SETBP1: variants seen among roughly 807,000 people sequenced by gnomAD.
SETBP1 encodes the protein SET binding protein 1.
SETBP1 carries 9 observed loss-of-function variants against 101.0 expected under a neutral mutation model. The observed-to-expected ratio is 0.09, with a 90% CI of 0.05 to 0.16. The LOEUF (loss-of-function observed/expected upper bound fraction) is 0.16. Ranked by LOEUF, SETBP1 falls within the 10% of genes least tolerant of loss-of-function variation. The probability of loss-of-function intolerance (pLI) is 1.00; values close to 1 mark genes in which losing one functional copy is unlikely to be tolerated. For synonymous variants in SETBP1, 818 were observed against 788.5 expected (o/e 1.04, Z -0.63); for missense variants, 1,858 against 2,033.8 (o/e 0.91, Z 1.66).
chr18:44,933,439 T>G (rs1188414481), intron 3 of SETBP1, among the ~76,000 whole-genome samples: 1 of 152,238 alleles, frequency 6.6e-6, no homozygotes, highest in African/African-American at 2.4e-5. Flanking sequence ...TTCTCAGATC[T>G]CAAACTCCAT....
rs2073443267 is a variant in SETBP1 at position 45,038,471 on chromosome 18, T to C, written c.4001-14T>C. The C allele has an allele frequency of 2.5e-6, 4 of 1,613,620 alleles. No individual in the cohort carries two copies. Among genetic ancestry groups the C allele is most frequent in the African/African-American group, 2.7e-5 (2 of 74,946 alleles). ...CTTAAAGTGACTGAAAGCTTTGGGG[T>C]TGTTATTTTTTAGGGATGCCAAGTC... is the stretch of plus-strand genomic sequence containing the variant. On this transcript the variant is annotated splice_polypyrimidine_tract_variant and intron_variant, in intron 4 of 5. Coordinates refer to ENST00000649279, the MANE Select transcript of SETBP1 (RefSeq NM_015559.3).
intron 2 of SETBP1, among the ~76,000 whole-genome samples, chr18:44,792,341 T>C (rs1683059374): frequency 6.6e-6 from 1 of 152,170 alleles, no homozygotes; most frequent in Non-Finnish European, 1.5e-5. Context: ...TTCCAGATGA[T>C]TTTTAGGTCC....
At chr18:45,049,442 T>C (rs2073684987) in intron 5 of SETBP1, among the ~76,000 whole-genome samples, 1 of 152,222 alleles carries the variant, frequency 6.6e-6, no homozygotes, top group Non-Finnish European at 1.5e-5. Context: ...TTGGTTGGCC[T>C]ACGGAAGGTT....
chr18:45,018,334 T>C (rs2072991798), intron 4 of SETBP1, among the ~76,000 whole-genome samples: 1 of 152,250 alleles, frequency 6.6e-6, no homozygotes, highest in African/African-American at 2.4e-5. Context: ...CATCTTGTTT[T>C]CATTTCAAAT....
intron 2 of SETBP1, among the ~76,000 whole-genome samples, chr18:44,796,801 C>T (rs1040046860): frequency 3.9e-5 from 6 of 152,170 alleles, no homozygotes; most frequent in African/African-American, 1.4e-4. Flanking sequence ...CCAGCACATG[C>T]AAGCCTGCTA....
At chr18:44,953,430 C>G in intron 4 of SETBP1, 90 bp downstream of exon 4, 1 of 1,195,848 alleles carries the variant, frequency 8.4e-7, no homozygotes, top group Non-Finnish European at 1.2e-6. Flanking sequence ...ATTGTGTTCA[C>G]TAGTTTGCAA....
chr18:44,749,623 CT>C (rs1442263848), intron 2 of SETBP1, among the ~76,000 whole-genome samples: 4 of 152,050 alleles, frequency 2.6e-5, no homozygotes, highest in Non-Finnish European at 5.9e-5. Flanking sequence ...CATGTGGGTC[CT>C]TTTTTAAAAG....
chr18:44,883,167 A>G (rs1179049420), intron 3 of SETBP1, among the ~76,000 whole-genome samples: 2 of 152,140 alleles, frequency 1.3e-5, no homozygotes, highest in Non-Finnish European at 2.9e-5. Context: ...CTGTAAGGAG[A>G]TTCATTTGTT....
chr18:44,849,369 A>G (rs1004983289), intron 2 of SETBP1, among the ~76,000 whole-genome samples: 1 of 152,194 alleles, frequency 6.6e-6, no homozygotes, highest in African/African-American at 2.4e-5. Flanking sequence ...TGGTCCTATC[A>G]CTAACTAGCC....
intron 1 of SETBP1, among the ~76,000 whole-genome samples, chr18:44,689,398 A>C (rs375041758): frequency 1.6e-4 from 25 of 152,220 alleles, no homozygotes; most frequent in African/African-American, 6.0e-4. Flanking sequence ...GAAGGATAAA[A>C]CCCAGGGCCC....
chr18:45,030,258 A>G (rs1212617975), intron 4 of SETBP1, among the ~76,000 whole-genome samples: 1 of 120,514 alleles, frequency 8.3e-6, no homozygotes, highest in Admixed American at 8.9e-5. Flanking sequence ...TTCTGCATCT[A>G]TTGAGATAAT....
Position 45,068,398 on chromosome 18 carries a change from C to A in SETBP1, c.*4700C>A, listed in dbSNP as rs906284534. 6.6e-6 allele frequency: 1 copy of A among 151,612 alleles called. No homozygotes were observed. The highest frequency in any genetic ancestry group is 6.6e-5 in the Admixed American group (1 of 15,222). 9.4% of individuals were successfully genotyped at this position (151,612 alleles called of 1,614,324 possible). The stretch of plus-strand genomic sequence containing the variant: ...TTCTAAAAGAAAGCTCAGTCTTTTC[C>A]GCTACCAGATCAGGTTAGCACAGTA... On this transcript the variant is annotated 3_prime_UTR_variant, in exon 6 of 6. Transcript: ENST00000649279.
intron 4 of SETBP1, among the ~76,000 whole-genome samples, chr18:44,968,837 A>AT (rs1194616437): frequency 1.3e-5 from 2 of 152,248 alleles, no homozygotes; most frequent in Non-Finnish European, 2.9e-5. Flanking sequence ...TCATCCAGGA[A>AT]TAGCCTGCAT....
At chr18:44,787,506 C>T (rs953358911) in intron 2 of SETBP1, among the ~76,000 whole-genome samples, 4 of 152,124 alleles carry the variant, frequency 2.6e-5, no homozygotes, top group Admixed American at 6.5e-5. Flanking sequence ...CATGGAGTTT[C>T]TTGGGGAAGT....
At chr18:44,781,239 G>C (rs570239973) in intron 2 of SETBP1, among the ~76,000 whole-genome samples, 3 of 152,324 alleles carry the variant, frequency 2.0e-5, no homozygotes, top group African/African-American at 7.2e-5. Flanking sequence ...GTTGCTTCTT[G>C]AGATGATTGT....
chr18:44,949,947 G>T lies in SETBP1; in HGVS notation c.607G>T (p.Gly203Cys). The T allele has an allele frequency of 6.2e-7, 1 of 1,613,944 alleles. No homozygotes were observed. ...CACGGGCCTCCCACAGGACTTCACC[G>T]GTGACACCTTAAAACCAAAGCACCA... The part of the protein sequence containing the change: ...YDTGLPQDFT[G>C]DTLKPKHQQK... The change falls in exon 4 of 6, where the codon GGT (glycine) becomes TGT (cysteine). Residue 203 changes from glycine to cysteine, a missense_variant. Around this residue, in one of 12 missense-constraint regions of SETBP1, gnomAD observed 581 missense variants for 535.1 expected, o/e 1.09. Transcript: ENST00000649279.
At chr18:44,844,195 C>T (rs2072676144) in intron 2 of SETBP1, among the ~76,000 whole-genome samples, 1 of 152,056 alleles carries the variant, frequency 6.6e-6, no homozygotes, top group Admixed American at 6.6e-5. Context: ...TATTTGATAT[C>T]AGCAGCTGTG....
intron 2 of SETBP1, among the ~76,000 whole-genome samples, chr18:44,720,147 G>A (rs1477805706): frequency 6.6e-6 from 1 of 152,114 alleles, no homozygotes; most frequent in African/African-American, 2.4e-5. Flanking sequence ...ATAGAGCCCT[G>A]GCTTAAGAAG....
At chr18:45,013,997 T>G (rs2072892214) in intron 4 of SETBP1, among the ~76,000 whole-genome samples, 1 of 151,662 alleles carries the variant, frequency 6.6e-6, no homozygotes, top group Non-Finnish European at 1.5e-5. Flanking sequence ...ATCCATTCAC[T>G]CTTTCATTCA....
Sources: allele counts gnomAD v4.1 joint callset (sites outside exome capture counted in the v4.1 genomes callset), GRCh38; gene constraint gnomAD v4.1.1; regional missense constraint gnomAD v4.1.1; transcripts MANE v1.5; gene names NCBI Gene and HGNC (gene_info 2026-07-23, HGNC 2026-07-21).